GPR176: variants seen among roughly 807,000 people sequenced by gnomAD.
GPR176 encodes the protein G-protein coupled receptor 176.
In GPR176, 26 loss-of-function variants were observed where a neutral mutation model predicts 35.4. The observed-to-expected ratio is 0.74, with a 90% CI of 0.54 to 1.02. The LOEUF is 1.02. Ranked by LOEUF, GPR176 falls within the 50% of genes least tolerant of loss-of-function variation. The pLI is 0.00. For missense variants in GPR176, 597 were observed against 665.3 expected (o/e 0.90, Z 1.13); for synonymous variants, 278 against 271.3 (o/e 1.02, Z -0.24).
At chr15:39,894,347 C>A (rs1448127327) in intron 1 of GPR176, 1 of 124,794 alleles carries the variant, frequency 8.0e-6, no homozygotes, top group African/African-American at 2.7e-5. Flanking sequence ...GGGCGGCTAG[C>A]CTGGCAGGGG....
chr15:39,901,342 A>C (rs1395393252), intron 1 of GPR176, among the ~76,000 whole-genome samples: 2 of 152,218 alleles, frequency 1.3e-5, no homozygotes, highest in African/African-American at 4.8e-5. Flanking sequence ...CTTAGGTATA[A>C]AATTTTTAGG....
chr15:39,800,109 A>C lies in GPR176; in HGVS notation c.*1023T>G, dbSNP rs1272289177. ...ACCTTTTGGGCAGAGTCACCTTTCC[A>C]AATCAGGCCTTTTCAGTTTGATGTT... On this transcript the variant is annotated 3_prime_UTR_variant, in exon 3 of 3. Coordinates refer to ENST00000561100, the MANE Select transcript of GPR176 (RefSeq NM_007223.3). The C allele has an allele frequency of 6.6e-6, 1 of 152,224 alleles. No homozygotes were observed. The highest frequency in any genetic ancestry group is 3.2e-3 in the Middle Eastern group (1 of 316). 9.4% of individuals were successfully genotyped at this position (152,224 alleles called of 1,614,324 possible).
intron 1 of GPR176, among the ~76,000 whole-genome samples, chr15:39,871,835 T>C (rs1040794106): frequency 6.6e-6 from 1 of 152,174 alleles, no homozygotes; most frequent in African/African-American, 2.4e-5. Flanking sequence ...ATCTAACTAA[T>C]TAGGATTTGA....
rs1254183206 is a variant in GPR176, at chr15:39,880,825, C to A, written c.172+39030G>T. Among the ~76,000 whole-genome samples the A allele has an allele frequency of 2.0e-5, 3 of 152,184 alleles. 1 individual carries two copies. The highest frequency in any genetic ancestry group is 4.1e-4 in the South Asian group (2 of 4,832). On this transcript the variant is annotated intron_variant, in intron 1 of 2. Coordinates refer to ENST00000561100, the MANE Select transcript of GPR176 (RefSeq NM_007223.3). Reference sequence around the variant, plus strand: ...CAAACTCTTTAACCCTGTTGCCATGCCCTTGCCTAAGTCCTCATTATATCT... The same window carrying A: ...CAAACTCTTTAACCCTGTTGCCATGACCTTGCCTAAGTCCTCATTATATCT...
intron 1 of GPR176, among the ~76,000 whole-genome samples, chr15:39,889,581 A>AATAAG (rs1566963695): frequency 5.3e-5 from 8 of 150,454 alleles, no homozygotes; most frequent in Admixed American, 1.3e-4. Flanking sequence ...AATAAAATAA[A>AATAAG]ATAAAATAAA....
intron 1 of GPR176, among the ~76,000 whole-genome samples, chr15:39,840,523 C>T (rs1051543089): frequency 2.0e-5 from 3 of 152,094 alleles, no homozygotes; most frequent in Non-Finnish European, 4.4e-5. Flanking sequence ...AGGAGATATA[C>T]CTAATGTAAA....
At chr15:39,811,703 T>G (rs1899563749) in intron 1 of GPR176, among the ~76,000 whole-genome samples, 2 of 151,978 alleles carry the variant, frequency 1.3e-5, no homozygotes, top group African/African-American at 4.8e-5. Context: ...GATCACGAGG[T>G]CAGGAGATCA....
chr15:39,811,788 T>G (rs182369340), intron 1 of GPR176, among the ~76,000 whole-genome samples: 2 of 152,008 alleles, frequency 1.3e-5, no homozygotes, highest in Non-Finnish European at 2.9e-5. Context: ...TAGTAGTGGG[T>G]GCCTGTAGTC....
At chr15:39,918,387 T>C (rs1179493095) in intron 1 of GPR176, among the ~76,000 whole-genome samples, 2 of 152,184 alleles carry the variant, frequency 1.3e-5, no homozygotes, top group African/African-American at 4.8e-5. Context: ...CAACACCACC[T>C]TTCTTCAGAG....
At chr15:39,914,911 T>C (rs1566971973) in intron 1 of GPR176, among the ~76,000 whole-genome samples, 1 of 152,240 alleles carries the variant, frequency 6.6e-6, no homozygotes, top group Non-Finnish European at 1.5e-5. Flanking sequence ...ACCTTGCTGG[T>C]ACCCCATATG....
rs150980294 is a variant in GPR176 at position 39,870,728 on chromosome 15, G to A, written c.172+49127C>T. Among the ~76,000 whole-genome samples, 713 of 152,182 alleles carry A rather than the reference G, an allele frequency of 4.7e-3. 8 individuals carry two copies. The highest frequency in any genetic ancestry group is 0.016 in the African/African-American group (675 of 41,512). ...CCCTTGATTACACTGCATAATATAT[G>A]AGACTCTGTCAGAGCCCACTGACTG... On this transcript the variant is annotated intron_variant, in intron 1 of 2. Transcript: ENST00000561100.
At chr15:39,854,653 AGC>A (rs2031089314) in intron 1 of GPR176, among the ~76,000 whole-genome samples, 1 of 152,114 alleles carries the variant, frequency 6.6e-6, no homozygotes, top group African/African-American at 2.4e-5. Flanking sequence ...CTTGGTAGGG[AGC>A]ATAGAAATCA....
chr15:39,811,760 CA>C (rs1008683045), intron 1 of GPR176, among the ~76,000 whole-genome samples: 1 of 151,976 alleles, frequency 6.6e-6, no homozygotes, highest in Non-Finnish European at 1.5e-5. Flanking sequence ...ACTAAAAATA[CA>C]AAAAATTAGC....
intron 1 of GPR176, among the ~76,000 whole-genome samples, chr15:39,851,697 G>A (rs1566951027): frequency 6.6e-6 from 1 of 152,176 alleles, no homozygotes; most frequent in Non-Finnish European, 1.5e-5. Flanking sequence ...TGCAGCCCCT[G>A]GTTGTCATAG....
chr15:39,920,140 C>G lies in GPR176; in HGVS notation c.-114G>C. On this transcript the variant is annotated 5_prime_UTR_variant, in exon 1 of 3. Coordinates refer to ENST00000561100, the MANE Select transcript of GPR176 (RefSeq NM_007223.3). ...GCGCCTGGCGGAGTCCTGGAGAAGC[C>G]GGAGCAGCCGACGGGTCCCCTCACG... 1 of 679,932 alleles carries G rather than the reference C, an allele frequency of 1.5e-6. No homozygotes were observed. The highest frequency in any genetic ancestry group is 5.3e-5 in the South Asian group (1 of 18,824). 42.1% of individuals were successfully genotyped at this position (679,932 alleles called of 1,614,324 possible).
chr15:39,886,485 A>G (rs1595506659), intron 1 of GPR176, among the ~76,000 whole-genome samples: 1 of 152,084 alleles, frequency 6.6e-6, no homozygotes, highest in South Asian at 2.1e-4. Flanking sequence ...CCAAGTTAAG[A>G]TATCTGTGTT....
intron 1 of GPR176, among the ~76,000 whole-genome samples, chr15:39,857,562 C>T (rs1011873340): frequency 1.3e-5 from 2 of 151,700 alleles, no homozygotes; most frequent in East Asian, 1.9e-4. Flanking sequence ...CCCAGCTACT[C>T]GGAAAGATGA....
At position 39,905,095 on chromosome 15, in the gene GPR176, TGGA is replaced by T. The variant is rs1416789877; in HGVS notation, c.172+14757_172+14759del. Among the ~76,000 whole-genome samples, 8 of 152,260 alleles carry T rather than the reference TGGA, an allele frequency of 5.3e-5. No individual in the cohort carries two copies. In the East Asian group the frequency reaches 1.4e-3, roughly 26 times the overall value. On this transcript the variant is annotated intron_variant, in intron 1 of 2. Coordinates refer to ENST00000561100, the MANE Select transcript of GPR176 (RefSeq NM_007223.3). Reference sequence around the variant, plus strand: ...AGCAAACTTGGCCAGAAGCTCAGAATGGAGGAGGAAGCAGACTAGACTCCTGTG... The same window carrying T: ...AGCAAACTTGGCCAGAAGCTCAGAATGGAGGAAGCAGACTAGACTCCTGTG...
rs565330545 is a variant in GPR176 at position 39,869,355 on chromosome 15, A to G, written c.172+50500T>C. Among the ~76,000 whole-genome samples, 454 of 152,340 alleles carry G rather than the reference A, an allele frequency of 3.0e-3. 1 individual carries two copies. The highest frequency in any genetic ancestry group is 5.2e-3 in the Non-Finnish European group (352 of 68,024). ...GAGATTCTTGGATCTGGAGTCCCAGACACAGCAGTTGAAGCCACAAGAGGC... is the reference window on the plus strand; with the variant it reads ...GAGATTCTTGGATCTGGAGTCCCAGGCACAGCAGTTGAAGCCACAAGAGGC... On this transcript the variant is annotated intron_variant, in intron 1 of 2. Coordinates refer to ENST00000561100, the MANE Select transcript of GPR176 (RefSeq NM_007223.3).
Sources: allele counts gnomAD v4.1 joint callset (sites outside exome capture counted in the v4.1 genomes callset), GRCh38; gene constraint gnomAD v4.1.1; transcripts MANE v1.5; gene names NCBI Gene and HGNC (gene_info 2026-07-23, HGNC 2026-07-21).